The following PKHD1 variants were observed in gnomAD, a reference collection of about 807,000 sequenced individuals.
PKHD1 encodes PKHD1 ciliary IPT domain containing fibrocystin/polyductin, also known as fibrocystin.
A neutral mutation model predicts 412.0 loss-of-function variants in PKHD1; 291 were observed. The ratio of observed to expected loss-of-function variants is 0.71; its 90% CI spans 0.64 to 0.78. PKHD1 has a LOEUF of 0.78. PKHD1 is among the 30% of genes least tolerant of loss of function. The pLI, the probability that PKHD1 is intolerant of heterozygous loss-of-function variation, is 0.00. For synonymous variants in PKHD1, 1,777 were observed against 1,821.5 expected (o/e 0.98, Z 0.62); for missense variants, 4,825 against 4,950.7 (o/e 0.97, Z 0.76).
chr6:51,789,620 T>C (rs1793420695), intron 53 of PKHD1, among the ~76,000 whole-genome samples: 1 of 152,200 alleles, frequency 6.6e-6, no homozygotes, highest in Non-Finnish European at 1.5e-5. Context: ...AAAATATTAA[T>C]TGTGGTTATA....
At chr6:52,005,164 G>A (rs116574916) in intron 35 of PKHD1, among the ~76,000 whole-genome samples, 2,684 of 152,214 alleles carry the variant, frequency 0.018, 32 homozygotes, top group South Asian at 0.043. Flanking sequence ...TATTGAGTGT[G>A]TTGCCTCTCC....
chr6:51,857,068 T>C (rs184043012), intron 48 of PKHD1, among the ~76,000 whole-genome samples: 1 of 152,186 alleles, frequency 6.6e-6, no homozygotes, highest in Admixed American at 6.5e-5. Flanking sequence ...AACTCGAAAT[T>C]TGTGAATCCA....
intron 61 of PKHD1, among the ~76,000 whole-genome samples, chr6:51,651,132 C>T (rs1486166710): frequency 6.6e-6 from 1 of 152,142 alleles, no homozygotes; most frequent in Non-Finnish European, 1.5e-5. Context: ...TGAACACCCG[C>T]TAAAAGGTCC....
chr6:51,978,282 T>G (rs548185210), intron 35 of PKHD1, among the ~76,000 whole-genome samples: 1 of 152,186 alleles, frequency 6.6e-6, no homozygotes, highest in South Asian at 2.1e-4. Context: ...CAAAATTATA[T>G]TGGACTGAAT....
chr6:51,743,019 G>T (rs116764093), intron 60 of PKHD1, among the ~76,000 whole-genome samples: 1 of 152,068 alleles, frequency 6.6e-6, no homozygotes, highest in Non-Finnish European at 1.5e-5. Context: ...AAAAATAAGA[G>T]ACCAGGATAA....
At chr6:51,784,722 A>G (rs565998232) in intron 53 of PKHD1, among the ~76,000 whole-genome samples, 1 of 152,266 alleles carries the variant, frequency 6.6e-6, no homozygotes, top group Admixed American at 6.5e-5. Context: ...ACTATTCACT[A>G]TTCTTTAGCT....
chr6:51,979,574 C>T (rs1247992912), intron 35 of PKHD1, among the ~76,000 whole-genome samples: 3 of 152,102 alleles, frequency 2.0e-5, no homozygotes, highest in Non-Finnish European at 4.4e-5. Flanking sequence ...CCCCCCAACA[C>T]ATAGTCACCC....
chr6:51,747,138 T>A (rs538769728), intron 58 of PKHD1, among the ~76,000 whole-genome samples: 1 of 152,286 alleles, frequency 6.6e-6, no homozygotes, highest in Admixed American at 6.5e-5. Context: ...GGCTTTTCAT[T>A]TGAGGCTTAA....
intron 35 of PKHD1, among the ~76,000 whole-genome samples, chr6:51,970,919 C>T (rs1202360743): frequency 2.0e-5 from 3 of 152,066 alleles, no homozygotes; most frequent in Admixed American, 6.5e-5. Context: ...CTTAGGATTG[C>T]TTTGGCTAGT....
At chr6:52,002,907 A>C (rs779624310) in intron 35 of PKHD1, among the ~76,000 whole-genome samples, 77 of 152,242 alleles carry the variant, frequency 5.1e-4, no homozygotes, top group Non-Finnish European at 1.2e-4. Context: ...GTGGGGATAA[A>C]AATAAGCAGT....
chr6:51,743,005 A>G (rs1784751873), intron 60 of PKHD1, among the ~76,000 whole-genome samples: 1 of 152,150 alleles, frequency 6.6e-6, no homozygotes, highest in Non-Finnish European at 1.5e-5. Context: ...TACCATGTTA[A>G]ACGAAAAATA....
At chr6:51,795,982 C>A (rs1251083642) in intron 52 of PKHD1, among the ~76,000 whole-genome samples, 1 of 151,850 alleles carries the variant, frequency 6.6e-6, no homozygotes, top group South Asian at 2.1e-4. Flanking sequence ...CCGAATTTGT[C>A]TTATTGTCAG....
intron 60 of PKHD1, among the ~76,000 whole-genome samples, chr6:51,694,207 T>G (rs1219312502): frequency 6.6e-6 from 1 of 152,046 alleles, no homozygotes; most frequent in Non-Finnish European, 1.5e-5. Flanking sequence ...TGCCTGCAAA[T>G]GTTTTCTTTC....
rs1766286515 is a variant in PKHD1 at position 51,619,098 on chromosome 6, T to G, written c.12208A>C (p.Ile4070Leu). ...TTCCCTGATCACAGTTGCTCCTGAA[T>G]AGTTTCCGGGTGTACTGAATGAAGG... is the stretch of plus-strand genomic sequence containing the variant. ...FCLHSVHPET[I>L]QEQL The change falls in exon 67 of 67, where the codon ATT becomes CTT. Residue 4070 changes from isoleucine (I) to leucine (L), a missense_variant. Coordinates refer to ENST00000371117, the MANE Select transcript of PKHD1 (RefSeq NM_138694.4). 3 of 1,614,086 alleles carry G rather than the reference T, an allele frequency of 1.9e-6. No homozygotes were observed. Among genetic ancestry groups the G allele is most frequent in the Non-Finnish European group, 2.5e-6 (3 of 1,180,010 alleles).
chr6:51,748,751 A>G, intron 57 of PKHD1, 86 bp from the exon 58 acceptor site: 1 of 1,076,352 alleles, frequency 9.3e-7, no homozygotes, highest in Non-Finnish European at 1.4e-6. Flanking sequence ...TAAGATATGA[A>G]CATTTTTAAT....
At chr6:51,732,253 A>G (rs1783321351) in intron 60 of PKHD1, among the ~76,000 whole-genome samples, 1 of 152,176 alleles carries the variant, frequency 6.6e-6, no homozygotes, top group Admixed American at 6.5e-5. Flanking sequence ...TTAGAAAAAA[A>G]TCACTGAAAA....
chr6:52,039,725 C>T (rs370162335), intron 27 of PKHD1, among the ~76,000 whole-genome samples: 1 of 152,160 alleles, frequency 6.6e-6, no homozygotes, highest in Non-Finnish European at 1.5e-5. Flanking sequence ...CATGGAGTTA[C>T]CATATGACCC....
intron 16 of PKHD1, 126 bp downstream of exon 16, chr6:52,058,196 TC>T: frequency 2.4e-6 from 2 of 820,338 alleles, no homozygotes; most frequent in Admixed American, 3.5e-5. Context: ...TAAAGAGATA[TC>T]CTATTTCTTT....
At chr6:51,970,591 A>G (rs778868192) in intron 35 of PKHD1, among the ~76,000 whole-genome samples, 2 of 152,188 alleles carry the variant, frequency 1.3e-5, no homozygotes, top group African/African-American at 2.4e-5. Context: ...CGGGTGTTAC[A>G]TTTAAGTCTT....
Sources: allele counts gnomAD v4.1 joint callset (sites outside exome capture counted in the v4.1 genomes callset), GRCh38; gene constraint gnomAD v4.1.1; transcripts MANE v1.5; gene names NCBI Gene and HGNC (gene_info 2026-07-23, HGNC 2026-07-21).